SRRM4: variants seen among roughly 807,000 people sequenced by gnomAD.
The protein encoded by SRRM4 is serine/arginine repetitive matrix protein 4.
Under a neutral mutation model 68.9 loss-of-function variants are expected in SRRM4, and 33 were observed. The observed-to-expected ratio is 0.48, with a 90% CI of 0.36 to 0.64. SRRM4 has a LOEUF of 0.64. Ranked by LOEUF, SRRM4 falls within the 30% of genes least tolerant of loss-of-function variation. The pLI, the probability that SRRM4 is intolerant of heterozygous loss-of-function variation, is 0.00. For synonymous variants in SRRM4, 318 were observed against 318.8 expected (o/e 1.00, Z 0.03); for missense variants, 817 against 827.1 (o/e 0.99, Z 0.15).
intron 1 of SRRM4, chr12:118,994,129 A>G (rs867438021): frequency 5.3e-5 from 8 of 152,178 alleles, no homozygotes; most frequent in African/African-American, 1.7e-4. Flanking sequence ...ACTGCATTCC[A>G]GCCTGGGCAA....
At chr12:119,106,207 T>C (rs976278467) in intron 2 of SRRM4, among the ~76,000 whole-genome samples, 1 of 152,248 alleles carries the variant, frequency 6.6e-6, no homozygotes, top group Non-Finnish European at 1.5e-5. Context: ...TTTTGGTTAC[T>C]GTAGCCTTGT....
At chr12:118,983,996 C>A (rs1953266131) in intron 1 of SRRM4, among the ~76,000 whole-genome samples, 1 of 152,184 alleles carries the variant, frequency 6.6e-6, no homozygotes, top group African/African-American at 2.4e-5. Flanking sequence ...AAGCCTGAAC[C>A]ATAAGCCCTG....
At position 119,132,064 on chromosome 12, in the gene SRRM4, T is replaced by C. The variant is rs868032843; in HGVS notation, c.771+1230T>C. On this transcript the variant is annotated intron_variant, in intron 8 of 12. Transcript: ENST00000267260. ...GTCAAGGCACCCAGCATAACCAAGG[T>C]CTAATTTTACCCAAATCCTCTGCCT... 1.7e-4 allele frequency among the ~76,000 whole-genome samples: 26 copies of C among 152,112 alleles called. No homozygotes were observed. The Middle Eastern group carries it at 0.017, about 99-fold the overall frequency.
At chr12:119,156,096 A>G (rs1954469648) in intron 12 of SRRM4, among the ~76,000 whole-genome samples, 2 of 152,216 alleles carry the variant, frequency 1.3e-5, no homozygotes, top group South Asian at 4.1e-4. Flanking sequence ...TCAAAGGTTC[A>G]TACATTTATT....
At chr12:119,146,703 G>A (rs575103561) in intron 9 of SRRM4, among the ~76,000 whole-genome samples, 284 of 152,252 alleles carry the variant, frequency 1.9e-3, no homozygotes, top group African/African-American at 6.5e-3. Flanking sequence ...TTGGGAGGCC[G>A]AGGCGGGTGG....
chr12:119,065,342 A>G (rs1174418473), intron 1 of SRRM4, among the ~76,000 whole-genome samples: 1 of 152,198 alleles, frequency 6.6e-6, no homozygotes. Flanking sequence ...AAACAGGGAA[A>G]TATCAGCCAA....
chr12:119,137,232 A>G (rs1411620645), intron 8 of SRRM4, among the ~76,000 whole-genome samples: 4 of 151,888 alleles, frequency 2.6e-5, no homozygotes, highest in Non-Finnish European at 4.4e-5. Context: ...GCCTCTCTCT[A>G]TGGGGCCATT....
At chr12:119,142,876 G>A (rs548470965) in intron 8 of SRRM4, among the ~76,000 whole-genome samples, 5 of 152,164 alleles carry the variant, frequency 3.3e-5, no homozygotes, top group Admixed American at 3.3e-4. Context: ...GAACTCCAGA[G>A]TTGAGAAAGA....
At chr12:119,131,869 A>C (rs183853063) in intron 8 of SRRM4, among the ~76,000 whole-genome samples, 2 of 152,314 alleles carry the variant, frequency 1.3e-5, no homozygotes, top group East Asian at 3.9e-4. Context: ...CTCTAGCTAC[A>C]TGTGAACTTG....
intron 1 of SRRM4, among the ~76,000 whole-genome samples, chr12:119,099,309 T>C (rs1395062664): frequency 6.6e-6 from 1 of 152,302 alleles, no homozygotes; most frequent in East Asian, 1.9e-4. Flanking sequence ...AATTCTTTTA[T>C]TTTTAGTAGA....
chr12:119,140,263 A>C (rs1272862127), intron 8 of SRRM4, among the ~76,000 whole-genome samples: 3 of 152,048 alleles, frequency 2.0e-5, no homozygotes, highest in Admixed American at 6.5e-5. Context: ...CCGTAATCCC[A>C]GCTACCTGGA....
chr12:118,983,674 A>T (rs965757619), intron 1 of SRRM4, among the ~76,000 whole-genome samples: 1 of 152,134 alleles, frequency 6.6e-6, no homozygotes, highest in Admixed American at 6.5e-5. Context: ...TTAGGGGTGC[A>T]GGGAGAGGAA....
intron 1 of SRRM4, among the ~76,000 whole-genome samples, chr12:119,080,612 G>A (rs568532274): frequency 2.6e-5 from 4 of 152,136 alleles, no homozygotes; most frequent in Non-Finnish European, 4.4e-5. Context: ...CATGTTGCAC[G>A]TGGGAAAAAC....
At chr12:119,003,599 A>G (rs1953398939) in intron 1 of SRRM4, among the ~76,000 whole-genome samples, 1 of 151,950 alleles carries the variant, frequency 6.6e-6, no homozygotes, top group Non-Finnish European at 1.5e-5. Flanking sequence ...AGATAACTAC[A>G]CATGGCTAAG....
intron 1 of SRRM4, 34 bp from the exon 2 acceptor site, chr12:119,102,202 T>C (rs756883493): frequency 5.7e-6 from 9 of 1,586,636 alleles, no homozygotes; most frequent in Middle Eastern, 1.8e-4. Context: ...CTGTATATTC[T>C]AACACTTTTG....
chr12:118,986,029 C>A (rs1427009455), intron 1 of SRRM4, among the ~76,000 whole-genome samples: 1 of 152,184 alleles, frequency 6.6e-6, no homozygotes, highest in African/African-American at 2.4e-5. Context: ...CAGAAGTAGA[C>A]TTCAGCCCAG....
In SRRM4 at chr12:119,156,882, C is replaced by T; in HGVS notation, c.*84C>T. The T allele has an allele frequency of 7.0e-7, 1 of 1,433,592 alleles. No homozygotes were observed. The highest frequency in any genetic ancestry group is 1.4e-5 in the African/African-American group (1 of 70,010). The allele number at this position is 1,433,592 out of a possible 1,614,324, so 88.8% of individuals were successfully genotyped here. A position where few individuals can be genotyped will look rare whatever the true frequency, so the allele number is the denominator to read the frequency against. On this transcript the variant is annotated 3_prime_UTR_variant, in exon 13 of 13. Coordinates refer to ENST00000267260, the MANE Select transcript of SRRM4 (RefSeq NM_194286.4). ...CCTGCCCTCCCCGCCTTCTTGGTGACAAATAGTGAGGGCTCCTATACCTTG... is the reference window on the plus strand; with the variant it reads ...CCTGCCCTCCCCGCCTTCTTGGTGATAAATAGTGAGGGCTCCTATACCTTG...
chr12:119,036,206 C>G (rs141595791), intron 1 of SRRM4, among the ~76,000 whole-genome samples: 93 of 152,298 alleles, frequency 6.1e-4, no homozygotes, highest in African/African-American at 2.2e-3. Flanking sequence ...CTTCACACTT[C>G]AAGTACTCTA....
In SRRM4 at chr12:119,135,606, C is replaced by CATGCACCAGGTGTTTACTGAGCACCTACT. The variant is rs1460888008; in HGVS notation, c.771+4785_771+4813dup. Among the ~76,000 whole-genome samples the CATGCACCAGGTGTTTACTGAGCACCTACT allele has an allele frequency of 3.4e-4, 52 of 152,282 alleles. No individual in the cohort carries two copies. The South Asian group carries it at 0.011, about 32-fold the overall frequency. ...TAACTAATGCCTGTTGAGCACCTGC[C>CATGCACCAGGTGTTTACTGAGCACCTACT]ATGCACCAGGTGTTTACTGAGCACC... On this transcript the variant is annotated intron_variant, in intron 8 of 12. Transcript: ENST00000267260.
Sources: allele counts gnomAD v4.1 joint callset (sites outside exome capture counted in the v4.1 genomes callset), GRCh38; gene constraint gnomAD v4.1.1; transcripts MANE v1.5; gene names NCBI Gene and HGNC (gene_info 2026-07-23, HGNC 2026-07-21).